Variants in FREM2 observed in about 807,000 individuals in gnomAD.
The protein encoded by FREM2 is FRAS1 related extracellular matrix 2.
In FREM2, 119 loss-of-function variants were observed where a neutral mutation model predicts 219.9. The observed-to-expected ratio is 0.54, with a 90% CI of 0.47 to 0.63. FREM2 has a LOEUF of 0.63. Among genes scored for constraint, FREM2 ranks in the 30% least tolerant of loss-of-function variants. The pLI is 0.00. For synonymous variants in FREM2, 1,562 were observed against 1,522.8 expected (o/e 1.03, Z -0.60); for missense variants, 4,030 against 3,993.6 (o/e 1.01, Z -0.25).
chr13:38,695,020 G>A (rs1164416793), intron 1 of FREM2, among the ~76,000 whole-genome samples: 1 of 152,094 alleles, frequency 6.6e-6, no homozygotes, highest in African/African-American at 2.4e-5. Flanking sequence ...AAATCTCATG[G>A]AATAATTTTG....
chr13:38,847,517 A>G (rs1429686154), intron 7 of FREM2, among the ~76,000 whole-genome samples: 1 of 152,160 alleles, frequency 6.6e-6, no homozygotes, highest in Admixed American at 6.5e-5. Flanking sequence ...AACTAAATTA[A>G]TCATTTTTAA....
chr13:38,791,713 C>T (rs1431787339), intron 6 of FREM2, among the ~76,000 whole-genome samples: 1 of 152,148 alleles, frequency 6.6e-6, no homozygotes, highest in African/African-American at 2.4e-5. Context: ...CTGGTCCTGC[C>T]CTTGTCACAT....
At position 38,861,876 on chromosome 13, in the gene FREM2, A is replaced by G. The variant is rs113535300; in HGVS notation, c.7651+314A>G. ...TCAATCGTAAACTTGAAGTTACAGT[A>G]AAGTATTTGATATCTTAGTACCTAC... On this transcript the variant is annotated intron_variant, in intron 15 of 23. Transcript: ENST00000280481. Among the ~76,000 whole-genome samples, 341 of 152,376 alleles carry G rather than the reference A, an allele frequency of 2.2e-3. 1 individual carries two copies. Among genetic ancestry groups the G allele is most frequent in the African/African-American group, 7.3e-3 (305 of 41,596 alleles).
rs1354175883 is a variant in FREM2, at chr13:38,737,118, C to T, written c.5264-27186C>T. Among the ~76,000 whole-genome samples the T allele has an allele frequency of 2.0e-5, 3 of 152,156 alleles. No individual in the cohort carries two copies. The South Asian group carries it at 6.2e-4, about 32-fold the overall frequency. ...GTGAGTGTATCATGTGTGGGGATTT[C>T]AGTAGTGTGTTCTGTCCTGTCTTCC... On this transcript the variant is annotated intron_variant, in intron 2 of 23. Coordinates refer to ENST00000280481, the MANE Select transcript of FREM2 (RefSeq NM_207361.6).
rs112155555 is a variant in FREM2 at position 38,764,285 on chromosome 13, T to G, written c.5264-19T>G. 1,686 of 1,597,116 alleles carry G rather than the reference T, an allele frequency of 1.1e-3. 19 individuals are homozygous for G. In the African/African-American group the frequency reaches 0.02, roughly 19 times the overall value. On this transcript the variant is annotated intron_variant, in intron 2 of 23. Transcript: ENST00000280481. Reference sequence around the variant, plus strand: ...TTCAAGAAAGCACTAATTTATGGCTTTAAATTTTTATTTTCAAGGTGGAAA... The same window carrying G: ...TTCAAGAAAGCACTAATTTATGGCTGTAAATTTTTATTTTCAAGGTGGAAA...
Position 38,876,400 on chromosome 13 carries a change from A to G in FREM2, c.8544+18A>G, listed in dbSNP as rs542697092. The G allele has an allele frequency of 8.7e-6, 14 of 1,609,392 alleles. No homozygotes were observed. The African/African-American group carries it at 1.9e-4, about 22-fold the overall frequency. ...TCCAACAGGTGTGGCTTATAGAATTACTATCTTATGACTTGCAGAATCCCA... is the reference window on the plus strand; with the variant it reads ...TCCAACAGGTGTGGCTTATAGAATTGCTATCTTATGACTTGCAGAATCCCA... On this transcript the variant is annotated intron_variant, in intron 20 of 23. Transcript: ENST00000280481.
At position 38,881,460 on chromosome 13, in the gene FREM2, C is replaced by T. The variant is rs1278754505; in HGVS notation, c.*673C>T. ...TTTGCATATTTAATTTTAAATTAAA[C>T]CAAAGAATATGTTAATTCTGAAAGA... is the stretch of plus-strand genomic sequence containing the variant. On this transcript the variant is annotated 3_prime_UTR_variant, in exon 24 of 24. Coordinates refer to ENST00000280481, the MANE Select transcript of FREM2 (RefSeq NM_207361.6). The T allele has an allele frequency of 6.5e-6, 1 of 154,686 alleles. No individual in the cohort carries two copies. Among genetic ancestry groups the T allele is most frequent in the African/African-American group, 2.4e-5 (1 of 41,420 alleles). 9.6% of individuals were successfully genotyped at this position (154,686 alleles called of 1,614,324 possible).
intron 2 of FREM2, among the ~76,000 whole-genome samples, chr13:38,709,456 TAC>T (rs1247963964): frequency 6.6e-6 from 1 of 152,052 alleles, no homozygotes; most frequent in East Asian, 1.9e-4. Flanking sequence ...TATAGACACA[TAC>T]ATGTATACAA....
intron 4 of FREM2, among the ~76,000 whole-genome samples, chr13:38,774,495 G>A (rs951007962): frequency 6.6e-6 from 1 of 152,110 alleles, no homozygotes; most frequent in African/African-American, 2.4e-5. Context: ...AGCAACTGGA[G>A]CCCATAGAAG....
chr13:38,800,849 C>T (rs1043856246), intron 6 of FREM2, among the ~76,000 whole-genome samples: 11 of 152,134 alleles, frequency 7.2e-5, no homozygotes, highest in African/African-American at 2.2e-4. Context: ...AGCCTAGTGT[C>T]GAACTCCTGA....
intron 2 of FREM2, among the ~76,000 whole-genome samples, chr13:38,745,788 A>G (rs1355756542): frequency 6.6e-6 from 1 of 152,192 alleles, no homozygotes; most frequent in Non-Finnish European, 1.5e-5. Flanking sequence ...CAGAAATCTC[A>G]GAGTCAATGC....
chr13:38,873,278 G>A (rs1768845976), intron 17 of FREM2, among the ~76,000 whole-genome samples: 1 of 152,062 alleles, frequency 6.6e-6, no homozygotes. Flanking sequence ...TCCAACGAAA[G>A]CAAGAAATGA....
chr13:38,687,097 C>A lies in FREM2; in HGVS notation c.-248C>A. Reference sequence around the variant, plus strand: ...AAAGTAGAAGTGGAGGGATTCAATTCTCCGCGCGATTGAGGCGCTAGCGGC... The same window carrying A: ...AAAGTAGAAGTGGAGGGATTCAATTATCCGCGCGATTGAGGCGCTAGCGGC... On this transcript the variant is annotated 5_prime_UTR_variant, in exon 1 of 24. Transcript: ENST00000280481. 1 of 588,642 alleles carries A rather than the reference C, an allele frequency of 1.7e-6. No homozygotes were observed. Among genetic ancestry groups the A allele is most frequent in the Non-Finnish European group, 3.0e-6 (1 of 331,510 alleles). The allele number at this position is 588,642 out of a possible 1,614,324, so 36.5% of individuals were successfully genotyped here.
At chr13:38,819,680 C>T (rs550088764) in intron 6 of FREM2, among the ~76,000 whole-genome samples, 6 of 152,178 alleles carry the variant, frequency 3.9e-5, no homozygotes, top group African/African-American at 1.4e-4. Context: ...ATCATGAACA[C>T]CTTCCAAGAT....
chr13:38,874,698 A>G, intron 18 of FREM2, 112 bp downstream of exon 18: 1 of 824,596 alleles, frequency 1.2e-6, no homozygotes, highest in South Asian at 1.4e-5. Context: ...TTAATCTCAA[A>G]TGAATTGTAC....
At chr13:38,814,365 C>T (rs1366540449) in intron 6 of FREM2, among the ~76,000 whole-genome samples, 1 of 152,204 alleles carries the variant, frequency 6.6e-6, no homozygotes, top group Non-Finnish European at 1.5e-5. Flanking sequence ...TTCAAAGGCA[C>T]TTGGGCCTCA....
intron 6 of FREM2, among the ~76,000 whole-genome samples, chr13:38,811,775 A>T (rs1039141263): frequency 6.6e-6 from 1 of 152,080 alleles, no homozygotes; most frequent in Non-Finnish European, 1.5e-5. Flanking sequence ...TGTATTCTGC[A>T]GTTGTTGGAT....
intron 6 of FREM2, among the ~76,000 whole-genome samples, chr13:38,816,734 G>C (rs546004727): frequency 6.6e-6 from 1 of 152,080 alleles, no homozygotes; most frequent in Non-Finnish European, 1.5e-5. Flanking sequence ...GGAGCAATTA[G>C]GCAAGAGAAA....
Position 38,701,703 on chromosome 13 carries a change from A to G in FREM2, c.5263+3916A>G, listed in dbSNP as rs148989493. ...CTATTCCAGGCATGCCCCACCCTCA[A>G]CCCTAATGATTGTTAATCACTCTTC... On this transcript the variant is annotated intron_variant, in intron 2 of 23. Transcript: ENST00000280481. 9.1e-3 allele frequency among the ~76,000 whole-genome samples: 1,387 copies of G among 151,866 alleles called. 20 individuals are homozygous for G. The highest frequency in any genetic ancestry group is 0.032 in the African/African-American group (1,306 of 41,428).
Sources: gnomAD v4.1 joint callset for allele counts (sites outside exome capture counted in the v4.1 genomes callset) on GRCh38, gnomAD v4.1.1 for gene constraint, MANE v1.5 for transcripts, NCBI Gene and HGNC (gene_info 2026-07-23, HGNC 2026-07-21) for gene names.